The following HMCN2 variants were observed in gnomAD, a reference collection of about 807,000 sequenced individuals.
HMCN2 encodes hemicentin-2.
A neutral mutation model predicts 377.5 loss-of-function variants in HMCN2; 325 were observed. That is an observed-to-expected ratio of 0.86 (90% CI 0.79 to 0.94). The LOEUF (loss-of-function observed/expected upper bound fraction) is 0.94, where lower values mean the gene tolerates loss of function less well. HMCN2 is among the 40% of genes least tolerant of loss of function. HMCN2 has a pLI of 0.00. For missense variants in HMCN2, 4,543 were observed against 4,725.3 expected (o/e 0.96, Z 1.13); for synonymous variants, 2,007 against 2,046.8 (o/e 0.98, Z 0.53).
At chr9:130,325,403 C>G (rs1156432966) in intron 19 of HMCN2, among the ~76,000 whole-genome samples, 192 bp from the exon 20 acceptor site, 1 of 152,184 alleles carries the variant, frequency 6.6e-6, no homozygotes, top group African/African-American at 2.4e-5. Context: ...ACTGCTTTGC[C>G]TTTTCCAGAA....
At chr9:130,343,124 T>C (rs1839149944) in intron 25 of HMCN2, among the ~76,000 whole-genome samples, 1 of 152,166 alleles carries the variant, frequency 6.6e-6, no homozygotes, top group African/African-American at 2.4e-5. Flanking sequence ...TCAGGAAATG[T>C]GGTGGATGCC....
chr9:130,324,821 C>T (rs1838040615), intron 19 of HMCN2, among the ~76,000 whole-genome samples: 1 of 152,062 alleles, frequency 6.6e-6, no homozygotes, highest in Non-Finnish European at 1.5e-5. Context: ...GACAGGGTTT[C>T]ACCCTGTTGG....
intron 49 of HMCN2, among the ~76,000 whole-genome samples, 158 bp from the exon 50 acceptor site, chr9:130,375,405 C>T (rs527641617): frequency 6.6e-6 from 1 of 152,342 alleles, no homozygotes; most frequent in East Asian, 1.9e-4. Flanking sequence ...CAAGCCTGGC[C>T]ACCCCGGGCA....
At chr9:130,409,349 G>C (rs1184116723) in intron 84 of HMCN2, among the ~76,000 whole-genome samples, 1 of 152,208 alleles carries the variant, frequency 6.6e-6, no homozygotes, top group Non-Finnish European at 1.5e-5. Context: ...AAGTGCAGGA[G>C]GCAGCGCCCC....
At chr9:130,404,553 A>G (rs970574794) in intron 80 of HMCN2, among the ~76,000 whole-genome samples, 2 of 152,242 alleles carry the variant, frequency 1.3e-5, no homozygotes, top group African/African-American at 4.8e-5. Flanking sequence ...GCCTAGTACA[A>G]GGTCCAAGTG....
At chr9:130,281,542 G>A (rs548141019) in intron 1 of HMCN2, among the ~76,000 whole-genome samples, 2 of 151,918 alleles carry the variant, frequency 1.3e-5, no homozygotes, top group Non-Finnish European at 2.9e-5. Context: ...AGGTTGCAGT[G>A]AGCCAGGATC....
At chr9:130,312,320 G>C (rs950062675) in intron 15 of HMCN2, among the ~76,000 whole-genome samples, 1 of 151,964 alleles carries the variant, frequency 6.6e-6, no homozygotes, top group Non-Finnish European at 1.5e-5. Flanking sequence ...TCTGTGGCAC[G>C]TGAGCTGTGA....
chr9:130,370,285 G>A (rs536616759), intron 45 of HMCN2, among the ~76,000 whole-genome samples: 29 of 152,254 alleles, frequency 1.9e-4, no homozygotes, highest in Admixed American at 3.3e-4. Flanking sequence ...GGGTGAGTAG[G>A]AGTTAGGCAG....
At chr9:130,388,308 T>A in intron 61 of HMCN2, 101 bp from the exon 62 acceptor site, 2 of 805,476 alleles carry the variant, frequency 2.5e-6, no homozygotes, top group Non-Finnish European at 3.0e-6. Flanking sequence ...TGGGAACTCC[T>A]AACTACCAGG....
chr9:130,275,426 A>G (rs1200789224), intron 1 of HMCN2, among the ~76,000 whole-genome samples: 1 of 151,782 alleles, frequency 6.6e-6, no homozygotes, highest in African/African-American at 2.4e-5. Context: ...TTTTATTGTC[A>G]CCCTGAGTGA....
At chr9:130,357,179 T>G in intron 34 of HMCN2, among the ~76,000 whole-genome samples, 1 of 132,636 alleles carries the variant, frequency 7.5e-6, no homozygotes, top group Admixed American at 8.0e-5. Flanking sequence ...GATGGGTAAA[T>G]GGATGGATGG....
At position 130,423,679 on chromosome 9, in the gene HMCN2, C is replaced by A. The variant is rs983625986; in HGVS notation, c.13381+953C>A. Among the ~76,000 whole-genome samples the A allele has an allele frequency of 3.3e-5, 5 of 152,200 alleles. No individual in the cohort carries two copies. The highest frequency in any genetic ancestry group is 7.3e-5 in the Non-Finnish European group (5 of 68,034). On this transcript the variant is annotated intron_variant, in intron 87 of 97. Transcript: ENST00000683500. The surrounding 1 kb of genome is among the most constrained non-coding windows in gnomAD (Gnocchi z 5.5). ...TCCCTGACTCAGAGCAAGTGGGGAG[C>A]GGGTGTGTTCCCCTTGCCCAGTCCA... is the stretch of plus-strand genomic sequence containing the variant.
rs953075059 is a variant in HMCN2 at position 130,427,361 on chromosome 9, G to A, written c.13928G>A (p.Gly4643Glu). 41 of 1,550,438 alleles carry A rather than the reference G, an allele frequency of 2.6e-5. No individual in the cohort carries two copies. Among genetic ancestry groups the A allele is most frequent in the Non-Finnish European group, 3.5e-5 (40 of 1,146,996 alleles). ...GAGGGCTTTGAGCTGGACTCCCAGG[G>A]AGCGTTTTGTGTGGGTGAGCGCCCC... ...CPEGFELDSQ[G>E]AFCVDRDECS... The change falls in exon 91 of 98, where the codon GGA becomes GAA. Residue 4643 changes from glycine (G) to glutamate (E), a missense_variant. Physicochemically the swap from Gly to Glu is moderately conservative, Grantham distance 98. Coordinates refer to ENST00000683500, the MANE Select transcript of HMCN2 (RefSeq NM_001291815.2).
chr9:130,335,494 G>T (rs1381717208), intron 22 of HMCN2, among the ~76,000 whole-genome samples: 1 of 152,092 alleles, frequency 6.6e-6, no homozygotes, highest in Non-Finnish European at 1.5e-5. Context: ...AACTGTTCAG[G>T]GCTGCCCAGC....
rs1346855248 is a variant in HMCN2 at position 130,432,514 on chromosome 9, C to G, written c.14853C>G (p.Asp4951Glu). The G allele has an allele frequency of 6.4e-7, 1 of 1,550,668 alleles. No homozygotes were observed. Among genetic ancestry groups the G allele is most frequent in the Non-Finnish European group, 8.7e-7 (1 of 1,147,020 alleles). The change falls in exon 97 of 98, where the codon GAC becomes GAG. Residue 4951 changes from aspartate to glutamate, a missense_variant. Physicochemically the swap from Asp to Glu is conservative, Grantham distance 45 (BLOSUM62 2). Transcript: ENST00000683500. ...FNTRGSYQCVDTPCPATYRQG... is the reference protein window; with the variant it reads ...FNTRGSYQCVETPCPATYRQG... ...CCCGTGGCAGCTACCAGTGTGTGGA[C>G]ACACCCTGTCCTGCCACCTACCGGC... is the stretch of plus-strand genomic sequence containing the variant.
rs1842345911 is a variant in HMCN2 at position 130,392,046 on chromosome 9, G to A, written c.10064G>A (p.Ser3355Asn). ...PVRGSPPIHV[S>N]WLKDGLPLPL... ...CGGGGCTCCCCGCCCATCCACGTGAGCTGGCTCAAGGACGGCCTGCCCCTC... is the reference window on the plus strand; with the variant it reads ...CGGGGCTCCCCGCCCATCCACGTGAACTGGCTCAAGGACGGCCTGCCCCTC... The change falls in exon 66 of 98, where the codon AGC becomes AAC. Residue 3355 changes from serine to asparagine, a missense_variant. This residue lies in a region of HMCN2 where 1,073 missense variants were observed against 1,319.5 expected (regional missense o/e 0.81). Transcript: ENST00000683500. 1.0e-6 allele frequency: 1 copy of A among 988,478 alleles called. No individual in the cohort carries two copies. Among genetic ancestry groups the A allele is most frequent in the African/African-American group, 1.7e-5 (1 of 57,430 alleles). 61.2% of individuals were successfully genotyped at this position (988,478 alleles called of 1,614,324 possible). A position where few individuals can be genotyped will look rare whatever the true frequency, so the allele number is the denominator to read the frequency against.
At position 130,382,239 on chromosome 9, in the gene HMCN2, G is replaced by A. The variant is rs555108151; in HGVS notation, c.8487G>A (p.Ser2829=). 165 of 985,848 alleles carry A rather than the reference G, an allele frequency of 1.7e-4. No individual in the cohort carries two copies. Among genetic ancestry groups the A allele is most frequent in the Non-Finnish European group, 1.8e-4 (147 of 829,934 alleles). 61.1% of individuals were successfully genotyped at this position (985,848 alleles called of 1,614,324 possible). ...GGGCAGAGAACGCCGGGAGGTACTC[G>A]TGCAAGGCCTCCAACGAGGTGGGCG... ...LVRAENAGRY[S]CKASNEVGED... The change falls in exon 55 of 98, where the codon TCG becomes TCA. Residue 2829 remains serine (S), a synonymous_variant. Coordinates refer to ENST00000683500, the MANE Select transcript of HMCN2 (RefSeq NM_001291815.2).
rs1843609277 is a variant in HMCN2, at chr9:130,414,984, A to AC, written c.12962-3788_12962-3787insC. 2.0e-5 allele frequency among the ~76,000 whole-genome samples: 3 copies of AC among 152,144 alleles called. No homozygotes were observed. The highest frequency in any genetic ancestry group is 7.2e-5 in the African/African-American group (3 of 41,434). The stretch of plus-strand genomic sequence containing the variant: ...CGCCTACACAGGCCGAGTGGGGAGC[A>AC]ATAAGCAGTGCCCCTCTCCCTCCCA... On this transcript the variant is annotated intron_variant, in intron 85 of 97. Coordinates refer to ENST00000683500, the MANE Select transcript of HMCN2 (RefSeq NM_001291815.2). The surrounding 1 kb of genome is among the most constrained non-coding windows in gnomAD (Gnocchi z 4.4).
intron 1 of HMCN2, among the ~76,000 whole-genome samples, chr9:130,274,066 T>G (rs1834545257): frequency 6.6e-6 from 1 of 151,862 alleles, no homozygotes; most frequent in Non-Finnish European, 1.5e-5. Flanking sequence ...TTTTTTTTTT[T>G]TTGAGAGACG....
Sources: gnomAD v4.1 joint callset for allele counts (sites outside exome capture counted in the v4.1 genomes callset) on GRCh38, gnomAD v4.1.1 for gene constraint, gnomAD v4.1.1 regional missense constraint, Gnocchi (gnomAD v3.1) non-coding constraint, MANE v1.5 for transcripts, NCBI Gene and HGNC (gene_info 2026-07-23, HGNC 2026-07-21) for gene names.